Variants in KCTD16 observed in about 807,000 individuals in gnomAD.
KCTD16 encodes the protein BTB/POZ domain-containing protein KCTD16.
A neutral mutation model predicts 33.2 loss-of-function variants in KCTD16; 13 were observed. The observed-to-expected ratio is 0.39, with a 90% confidence interval of 0.25 to 0.62. The LOEUF is 0.62. Ranked by LOEUF, KCTD16 falls within the 20% of genes least tolerant of loss-of-function variation. KCTD16 has a pLI of 0.50. For synonymous variants in KCTD16, 197 were observed against 195.3 expected (o/e 1.01, Z -0.07); for missense variants, 441 against 525.1 (o/e 0.84, Z 1.57).
chr5:144,259,869 C>T (rs1202624347), intron 3 of KCTD16, among the ~76,000 whole-genome samples: 4 of 152,110 alleles, frequency 2.6e-5, no homozygotes, highest in African/African-American at 7.2e-5. Context: ...TTTATAGTAC[C>T]TTAGTCTCTG....
intron 3 of KCTD16, among the ~76,000 whole-genome samples, chr5:144,399,191 G>A (rs138473651): frequency 6.6e-6 from 1 of 152,218 alleles, no homozygotes; most frequent in Non-Finnish European, 1.5e-5. Flanking sequence ...TGGCACAGAT[G>A]TATTATCTTA....
intron 3 of KCTD16, among the ~76,000 whole-genome samples, chr5:144,445,364 T>C (rs1421872980): frequency 6.6e-6 from 1 of 152,082 alleles, no homozygotes; most frequent in Non-Finnish European, 1.5e-5. Flanking sequence ...CGTTTGAGAA[T>C]TTTGGAACAG....
intron 3 of KCTD16, among the ~76,000 whole-genome samples, chr5:144,266,101 G>A (rs2126842878): frequency 6.6e-6 from 1 of 152,302 alleles, no homozygotes; most frequent in Non-Finnish European, 1.5e-5. Context: ...TTGCCTCTGA[G>A]AGGTTGGGGA....
chr5:144,422,432 C>G (rs1753231970), intron 3 of KCTD16, among the ~76,000 whole-genome samples: 1 of 152,124 alleles, frequency 6.6e-6, no homozygotes, highest in Admixed American at 6.6e-5. Flanking sequence ...TTTGTCCTCC[C>G]CTATTTGTGT....
At chr5:144,288,318 G>A (rs1393432312) in intron 3 of KCTD16, among the ~76,000 whole-genome samples, 1 of 152,176 alleles carries the variant, frequency 6.6e-6, no homozygotes, top group Non-Finnish European at 1.5e-5. Flanking sequence ...ACTGTGAATA[G>A]GGATGATGCT....
intron 3 of KCTD16, among the ~76,000 whole-genome samples, chr5:144,342,269 T>C (rs918281795): frequency 6.6e-6 from 1 of 152,180 alleles, no homozygotes; most frequent in African/African-American, 2.4e-5. Flanking sequence ...GGTTTGTAGT[T>C]CTCCTTGAAG....
At chr5:144,219,370 C>T (rs1193025374) in intron 3 of KCTD16, among the ~76,000 whole-genome samples, 1 of 151,798 alleles carries the variant, frequency 6.6e-6, no homozygotes, top group South Asian at 2.1e-4. Context: ...CCCGCCACTG[C>T]GTCTGGCTAA....
chr5:144,345,649 TG>T (rs1484711516), intron 3 of KCTD16, among the ~76,000 whole-genome samples: 4 of 152,194 alleles, frequency 2.6e-5, no homozygotes, highest in Non-Finnish European at 5.9e-5. Flanking sequence ...GTAAGAGTCC[TG>T]CTGTTAGGGA....
At chr5:144,345,873 G>C (rs1160158954) in intron 3 of KCTD16, among the ~76,000 whole-genome samples, 1 of 151,516 alleles carries the variant, frequency 6.6e-6, no homozygotes, top group African/African-American at 2.4e-5. Context: ...TACTCTTTAA[G>C]TTATTTAAAA....
At chr5:144,334,501 T>C (rs1434213904) in intron 3 of KCTD16, among the ~76,000 whole-genome samples, 4 of 152,192 alleles carry the variant, frequency 2.6e-5, no homozygotes, top group Non-Finnish European at 5.9e-5. Flanking sequence ...ATAGTATTCT[T>C]ATGACAAAAA....
At chr5:144,338,026 T>C (rs771288443) in intron 3 of KCTD16, among the ~76,000 whole-genome samples, 5 of 152,194 alleles carry the variant, frequency 3.3e-5, no homozygotes, top group Admixed American at 6.5e-5. Context: ...TATTTTTATT[T>C]AGGAGTATAA....
In KCTD16 at chr5:144,299,129, TATATATATATATATA is replaced by T. The variant is rs1756162308; in HGVS notation, c.832+91584_832+91598del. On this transcript the variant is annotated intron_variant, in intron 3 of 3. Coordinates refer to ENST00000512467, the MANE Select transcript of KCTD16 (RefSeq NM_020768.4). ...ATATATATATATATATATATATATA[TATATATATATATATA>T]TATATTTTTTTTTTTTTTTTTAACC... Among the ~76,000 whole-genome samples, 10 of 27,974 alleles carry T rather than the reference TATATATATATATATA, an allele frequency of 3.6e-4. 1 individual carries two copies. The highest frequency in any genetic ancestry group is 3.3e-3 in the African/African-American group (9 of 2,748). 18.4% of individuals were successfully genotyped at this position (27,974 alleles called of 152,430 possible). A position where few individuals can be genotyped will look rare whatever the true frequency, so the allele number is the denominator to read the frequency against.
intron 3 of KCTD16, among the ~76,000 whole-genome samples, chr5:144,405,697 C>T (rs370066863): frequency 3.9e-5 from 6 of 152,098 alleles, no homozygotes; most frequent in South Asian, 4.1e-4. Context: ...CCTTAGAATG[C>T]GGGAAGCTGC....
At chr5:144,289,930 TTTG>T (rs1755848122) in intron 3 of KCTD16, among the ~76,000 whole-genome samples, 8 of 152,244 alleles carry the variant, frequency 5.3e-5, no homozygotes, top group Admixed American at 3.9e-4. Flanking sequence ...TCTAAGTGGA[TTTG>T]TTAATAAACA....
At chr5:144,268,638 C>A (rs1332215242) in intron 3 of KCTD16, among the ~76,000 whole-genome samples, 2 of 152,066 alleles carry the variant, frequency 1.3e-5, no homozygotes, top group African/African-American at 4.8e-5. Context: ...TTAGAGTTAT[C>A]AGTTTATTAG....
At chr5:144,433,497 TA>T (rs1356367296) in intron 3 of KCTD16, among the ~76,000 whole-genome samples, 2 of 152,138 alleles carry the variant, frequency 1.3e-5, no homozygotes, top group Admixed American at 1.3e-4. Context: ...CTGATTTTTT[TA>T]AAATGACCAA....
chr5:144,199,451 C>T (rs894466882), intron 2 of KCTD16, among the ~76,000 whole-genome samples: 2 of 152,110 alleles, frequency 1.3e-5, no homozygotes, highest in East Asian at 3.9e-4. Flanking sequence ...CAAAGGTAGG[C>T]GTCTTGTTTT....
At chr5:144,427,773 G>A (rs944510410) in intron 3 of KCTD16, among the ~76,000 whole-genome samples, 6 of 152,058 alleles carry the variant, frequency 3.9e-5, no homozygotes, top group Non-Finnish European at 8.8e-5. Flanking sequence ...CTGCAGCTAA[G>A]ATATAGCTCC....
At chr5:144,194,136 G>C (rs1189030354) in intron 2 of KCTD16, among the ~76,000 whole-genome samples, 1 of 151,986 alleles carries the variant, frequency 6.6e-6, no homozygotes, top group Admixed American at 6.6e-5. Flanking sequence ...TAGTCAACAA[G>C]GGGGAATATT....
Sources: gnomAD v4.1 joint callset for allele counts (sites outside exome capture counted in the v4.1 genomes callset) on GRCh38, gnomAD v4.1.1 for gene constraint, MANE v1.5 for transcripts, NCBI Gene and HGNC (gene_info 2026-07-23, HGNC 2026-07-21) for gene names.